The following SELENOF variants were observed in gnomAD, a reference collection of about 807,000 sequenced individuals.
SELENOF encodes the protein selenoprotein F, also known as 15 kDa selenoprotein.
SELENOF carries 16 observed loss-of-function variants against 20.5 expected under a neutral mutation model. The ratio of observed to expected loss-of-function variants is 0.78; its 90% CI spans 0.53 to 1.19. The LOEUF is 1.19. Among genes scored for constraint, SELENOF ranks in the 50% most tolerant of loss-of-function variants. The probability of loss-of-function intolerance (pLI) is 0.00; values close to 1 mark genes in which losing one functional copy is unlikely to be tolerated. For missense variants in SELENOF, 215 were observed against 194.2 expected, an observed-to-expected ratio of 1.11 and a Z score of -0.64; for synonymous variants, 78 against 74.5, an observed-to-expected ratio of 1.05 and a Z score of -0.24.
intron 2 of SELENOF, among the ~76,000 whole-genome samples, chr1:86,892,510 C>G (rs1217279547): frequency 6.6e-6 from 1 of 152,136 alleles, no homozygotes; most frequent in Non-Finnish European, 1.5e-5. Flanking sequence ...GTTAGCTTAA[C>G]CTCCATTTCA....
intron 3 of SELENOF, among the ~76,000 whole-genome samples, chr1:86,875,823 T>G (rs1262685260): frequency 6.6e-6 from 1 of 152,152 alleles, no homozygotes; most frequent in South Asian, 2.1e-4. Flanking sequence ...TTGAATGAAC[T>G]GGAATTTGCC....
chr1:86,886,432 ACTTT>A (rs1158893702), intron 2 of SELENOF, among the ~76,000 whole-genome samples: 2 of 141,256 alleles, frequency 1.4e-5, no homozygotes, highest in Non-Finnish European at 3.1e-5. Flanking sequence ...ATGTTACAGT[ACTTT>A]TTTTTTTTTC....
At position 86,896,527 on chromosome 1, in the gene SELENOF, A is replaced by G. The variant is rs1659531857; in HGVS notation, c.252+6754T>C. On this transcript the variant is annotated intron_variant, in intron 2 of 4. Transcript: ENST00000331835. Reference sequence around the variant, plus strand: ...AAAAATTCTAACAGAAAAAATATTTATATGTATCCCAAGAAAATCCCAGGA... The same window carrying G: ...AAAAATTCTAACAGAAAAAATATTTGTATGTATCCCAAGAAAATCCCAGGA... Among the ~76,000 whole-genome samples the G allele has an allele frequency of 2.0e-5, 3 of 152,364 alleles. No homozygotes were observed. In the South Asian group the frequency reaches 6.2e-4, roughly 32 times the overall value.
chr1:86,897,537 G>T (rs558795154), intron 2 of SELENOF, among the ~76,000 whole-genome samples: 2 of 152,182 alleles, frequency 1.3e-5, no homozygotes, highest in South Asian at 4.1e-4. Flanking sequence ...AGTAATTGAG[G>T]AATAAAGATA....
At chr1:86,885,216 T>G (rs1330311997) in intron 2 of SELENOF, among the ~76,000 whole-genome samples, 1 of 152,176 alleles carries the variant, frequency 6.6e-6, no homozygotes, top group Non-Finnish European at 1.5e-5. Flanking sequence ...AAAACACTTC[T>G]AGTCCCAATA....
chr1:86,867,031 GC>G (rs1658617783), intron 4 of SELENOF, among the ~76,000 whole-genome samples: 1 of 152,130 alleles, frequency 6.6e-6, no homozygotes, highest in Non-Finnish European at 1.5e-5. Flanking sequence ...ACTCAAAATT[GC>G]CCCAAATTGG....
chr1:86,914,290 T>C (rs370878740), upstream of SELENOF: 44 of 617,466 alleles, frequency 7.1e-5, no homozygotes, highest in East Asian at 8.5e-4. Flanking sequence ...CTGGGTGCTT[T>C]CGATTACCCA....
rs560313018 is a variant in SELENOF at position 86,903,181 on chromosome 1, G to A, written c.252+100C>T. The A allele has an allele frequency of 1.6e-4, 170 of 1,055,950 alleles. 1 individual carries two copies. In the African/African-American group the frequency reaches 2.5e-3, roughly 15 times the overall value. The allele number at this position is 1,055,950 out of a possible 1,614,324, so 65.4% of individuals were successfully genotyped here. A position where few individuals can be genotyped will look rare whatever the true frequency, so the allele number is the denominator to read the frequency against. ...TTGAGTTTTACTAAAAAATGTAAAA[G>A]CTTAGAGGCTTTTTTACACTTAAAT... On this transcript the variant is annotated intron_variant, in intron 2 of 4. Transcript: ENST00000331835.
intron 2 of SELENOF, among the ~76,000 whole-genome samples, chr1:86,884,445 A>G (rs1421406673): frequency 1.3e-5 from 2 of 151,992 alleles, no homozygotes; most frequent in Non-Finnish European, 2.9e-5. Context: ...ACTGGAAAAT[A>G]TTTGTTTTTC....
At chr1:86,900,162 C>T (rs1043368253) in intron 2 of SELENOF, among the ~76,000 whole-genome samples, 14 of 152,074 alleles carry the variant, frequency 9.2e-5, no homozygotes, top group African/African-American at 3.4e-4. Flanking sequence ...CAGGCGGAGA[C>T]GCTCCTCACT....
chr1:86,895,613 T>C (rs1277463103), intron 2 of SELENOF, among the ~76,000 whole-genome samples: 1 of 152,226 alleles, frequency 6.6e-6, no homozygotes, highest in East Asian at 1.9e-4. Flanking sequence ...CTAGACAGTC[T>C]GGTTCTATAG....
At chr1:86,906,863 G>GT (rs1277602514) in intron 1 of SELENOF, among the ~76,000 whole-genome samples, 12 of 152,164 alleles carry the variant, frequency 7.9e-5, no homozygotes, top group African/African-American at 2.9e-4. Context: ...AAATTTTAGG[G>GT]TAATTCTGTT....
At chr1:86,885,188 G>GA (rs1318554505) in intron 2 of SELENOF, among the ~76,000 whole-genome samples, 9 of 151,992 alleles carry the variant, frequency 5.9e-5, no homozygotes, top group African/African-American at 2.2e-4. Context: ...TCTCAAATCT[G>GA]AAAAAAATCT....
rs536098425 is a variant in SELENOF, at chr1:86,909,099, A to G, written c.84+4929T>C. ...TTATCCATAGCAGTATCTCAATCTC[A>G]AAGTGTCAAGAAATTGTTCCCTCAT... On this transcript the variant is annotated intron_variant, in intron 1 of 4. Transcript: ENST00000331835. Among the ~76,000 whole-genome samples the G allele has an allele frequency of 4.9e-4, 75 of 152,322 alleles. 1 individual carries two copies. Among genetic ancestry groups the G allele is most frequent in the African/African-American group, 1.8e-3 (75 of 41,576 alleles).
chr1:86,891,911 A>C (rs1659391689), intron 2 of SELENOF, among the ~76,000 whole-genome samples: 1 of 150,448 alleles, frequency 6.6e-6, no homozygotes, highest in South Asian at 2.1e-4. Flanking sequence ...ATTATTAAAT[A>C]AACATTTATG....
intron 1 of SELENOF, among the ~76,000 whole-genome samples, chr1:86,904,091 T>A (rs1659771559): frequency 6.6e-6 from 1 of 152,094 alleles, no homozygotes; most frequent in Non-Finnish European, 1.5e-5. Context: ...TAAGAAAAAA[T>A]AATTTTTGTT....
At chr1:86,904,653 T>G (rs1237954396) in intron 1 of SELENOF, among the ~76,000 whole-genome samples, 1 of 152,198 alleles carries the variant, frequency 6.6e-6, no homozygotes, top group Non-Finnish European at 1.5e-5. Flanking sequence ...TACTATAACT[T>G]GGTTTCTATT....
chr1:86,896,502 A>G (rs1019407454), intron 2 of SELENOF, among the ~76,000 whole-genome samples: 1 of 152,224 alleles, frequency 6.6e-6, no homozygotes, highest in African/African-American at 2.4e-5. Flanking sequence ...TGAATAGTTC[A>G]AAAATTCTAA....
At chr1:86,891,075 G>C (rs1233706404) in intron 2 of SELENOF, among the ~76,000 whole-genome samples, 4 of 146,700 alleles carry the variant, frequency 2.7e-5, no homozygotes, top group Non-Finnish European at 6.0e-5. Flanking sequence ...TTTAGATGGA[G>C]TTTCATTCTT....
Sources: allele counts gnomAD v4.1 joint callset (sites outside exome capture counted in the v4.1 genomes callset), GRCh38; gene constraint gnomAD v4.1.1; transcripts MANE v1.5; gene names NCBI Gene and HGNC (gene_info 2026-07-23, HGNC 2026-07-21).